The following BTBD2 variants were observed in gnomAD, a reference collection of about 807,000 sequenced individuals.
BTBD2 encodes BTB/POZ domain-containing protein 2.
BTBD2 carries 15 observed loss-of-function variants against 44.0 expected under a neutral mutation model. The ratio of observed to expected loss-of-function variants is 0.34; its 90% CI spans 0.23 to 0.53. The LOEUF is 0.53. Ranked by LOEUF, BTBD2 falls within the 20% of genes least tolerant of loss-of-function variation. The probability of loss-of-function intolerance (pLI) is 0.95; values close to 1 mark genes in which losing one functional copy is unlikely to be tolerated. For synonymous variants in BTBD2, 443 were observed against 335.9 expected (o/e 1.32, Z -3.49); for missense variants, 657 against 746.4 (o/e 0.88, Z 1.39).
chr19:2,007,811 G>T (rs1468228264), intron 1 of BTBD2, among the ~76,000 whole-genome samples: 1 of 151,194 alleles, frequency 6.6e-6, no homozygotes. Context: ...CTGGGCAACA[G>T]AGCGAGACTC....
At chr19:2,009,404 T>C (rs2016435360) in intron 1 of BTBD2, among the ~76,000 whole-genome samples, 1 of 151,744 alleles carries the variant, frequency 6.6e-6, no homozygotes, top group East Asian at 2.0e-4. Context: ...TTCACCATGT[T>C]GTCCAGGCTG....
chr19:2,010,336 G>C (rs184149169), intron 1 of BTBD2, among the ~76,000 whole-genome samples: 5 of 152,148 alleles, frequency 3.3e-5, no homozygotes, highest in African/African-American at 1.2e-4. Flanking sequence ...AGGCTCCAGC[G>C]CGCTGAGATG....
intron 1 of BTBD2, among the ~76,000 whole-genome samples, chr19:2,014,814 G>C (rs576526921): frequency 6.6e-6 from 1 of 151,268 alleles, no homozygotes; most frequent in East Asian, 2.0e-4. Context: ...GGGGTCCCAG[G>C]GGTACAGGGC....
At chr19:2,002,033 G>A (rs984657037) in intron 1 of BTBD2, among the ~76,000 whole-genome samples, 5 of 152,052 alleles carry the variant, frequency 3.3e-5, no homozygotes, top group Non-Finnish European at 5.9e-5. Context: ...GAGCCCCCAC[G>A]CCTGGAAGAG....
At position 1,986,933 on chromosome 19, in the gene BTBD2, G is replaced by A. The variant is rs746606342; in HGVS notation, c.1313C>T (p.Thr438Met). 2.5e-5 allele frequency: 40 copies of A among 1,613,154 alleles called. No homozygotes were observed. Among genetic ancestry groups the A allele is most frequent in the Non-Finnish European group, 3.3e-5 (39 of 1,179,838 alleles). ...GGCTGAGCCGTCGCAGCTGAAGCCC[G>A]TGTCGTTCTGGCCCAAGACGGTGTT... Reference protein sequence around the residue: ...DSNTVLGQNDTGFSCDGSAST... With the variant: ...DSNTVLGQNDMGFSCDGSAST... Residue 438 changes from threonine to methionine, a missense_variant, in exon 8 of 9, where the codon ACG becomes ATG. Physicochemically the swap from Thr to Met is moderately conservative, Grantham distance 81. This residue lies in a region of BTBD2 where 449 missense variants were observed against 510.9 expected (regional missense o/e 0.88). Transcript: ENST00000255608.
intron 1 of BTBD2, among the ~76,000 whole-genome samples, 157 bp downstream of exon 1, chr19:2,015,140 G>A (rs1335583858): frequency 3.0e-4 from 45 of 149,042 alleles, no homozygotes; most frequent in Admixed American, 3.0e-3. Flanking sequence ...GCCTGAGGAT[G>A]CAGGGGTGCA....
intron 1 of BTBD2, among the ~76,000 whole-genome samples, chr19:1,997,730 CCT>C (rs925843762): frequency 6.6e-6 from 1 of 152,078 alleles, no homozygotes; most frequent in East Asian, 1.9e-4. Context: ...CCCTCACCAT[CCT>C]CTCTCTTTCC....
rs1018739346 is a variant in BTBD2 at position 1,993,302 on chromosome 19, C to T, written c.528-126G>A. On this transcript the variant is annotated intron_variant, in intron 2 of 8. Transcript: ENST00000255608. ...CCTTGAGCTGGCAGGACCCAAACAC[C>T]CACATCAGGTTCCCCGAGGAACCTT... 7.5e-6 allele frequency: 10 copies of T among 1,336,332 alleles called. No individual in the cohort carries two copies. In the African/African-American group the frequency reaches 1.5e-4, roughly 20 times the overall value. The allele number at this position is 1,336,332 out of a possible 1,614,324, so 82.8% of individuals were successfully genotyped here.
chr19:1,999,875 T>C (rs955551232), intron 1 of BTBD2, among the ~76,000 whole-genome samples: 20 of 150,726 alleles, frequency 1.3e-4, no homozygotes, highest in Admixed American at 1.1e-3. Flanking sequence ...GGCAGGAGAA[T>C]TGCTTGAACC....
At chr19:2,007,547 C>T (rs1047327113) in intron 1 of BTBD2, among the ~76,000 whole-genome samples, 2 of 152,096 alleles carry the variant, frequency 1.3e-5, no homozygotes, top group Non-Finnish European at 2.9e-5. Flanking sequence ...AAGATCTTCC[C>T]GCCTTAGGCC....
chr19:1,989,666 CCCT>C (rs2016144574), intron 5 of BTBD2: 1 of 354,806 alleles, frequency 2.8e-6, no homozygotes, highest in Admixed American at 4.3e-5. Flanking sequence ...CATGTCAGAG[CCCT>C]CCTGAGCTCG....
At chr19:2,015,190 AG>A in intron 1 of BTBD2, 106 bp downstream of exon 1, 1 of 1,209,474 alleles carries the variant, frequency 8.3e-7, no homozygotes, top group Non-Finnish European at 1.0e-6. Flanking sequence ...TCGGGGATGG[AG>A]GGGTGCGGGG....
chr19:1,996,311 T>C (rs2016250210), intron 2 of BTBD2, among the ~76,000 whole-genome samples: 1 of 152,146 alleles, frequency 6.6e-6, no homozygotes, highest in South Asian at 2.1e-4. Flanking sequence ...ATATGAATTC[T>C]AGGATAGTTT....
chr19:1,993,471 G>T (rs2016208982), intron 2 of BTBD2, among the ~76,000 whole-genome samples: 1 of 152,148 alleles, frequency 6.6e-6, no homozygotes, highest in Non-Finnish European at 1.5e-5. Flanking sequence ...TTCTGCCCGG[G>T]ATGCCCCAGG....
rs148207087 is a variant in BTBD2, at chr19:1,990,092, C to G, written c.900G>C (p.Gln300His). 3 of 1,612,724 alleles carry G rather than the reference C, an allele frequency of 1.9e-6. No individual in the cohort carries two copies. Among genetic ancestry groups the G allele is most frequent in the Non-Finnish European group, 2.5e-6 (3 of 1,179,936 alleles). ...CCTTCCGCCTGTTCTCTGGCGTCACCTGCAGCTGCTGCCGCTGACACTCGG... is the reference window on the plus strand; with the variant it reads ...CCTTCCGCCTGTTCTCTGGCGTCACGTGCAGCTGCTGCCGCTGACACTCGG... The part of the protein sequence containing the change: ...SEAECQRQQL[Q>H]VTPENRRKVL... The change falls in exon 5 of 9, where the codon CAG becomes CAC. Residue 300 changes from glutamine (Q) to histidine (H), a missense_variant. Physicochemically the swap from Gln to His is conservative, Grantham distance 24 (BLOSUM62 0). Around this residue, in one of 3 missense-constraint regions of BTBD2, gnomAD observed 449 missense variants for 510.9 expected, o/e 0.88. Coordinates refer to ENST00000255608, the MANE Select transcript of BTBD2 (RefSeq NM_017797.4).
At chr19:2,008,166 G>A (rs1013822823) in intron 1 of BTBD2, among the ~76,000 whole-genome samples, 1 of 151,906 alleles carries the variant, frequency 6.6e-6, no homozygotes. Flanking sequence ...CACCACGCCT[G>A]GCTAATTTTG....
At chr19:2,013,634 T>C in intron 1 of BTBD2, 3 of 985,400 alleles carry the variant, frequency 3.0e-6, no homozygotes, top group Non-Finnish European at 3.6e-6. Flanking sequence ...GGCCCAGGGG[T>C]CTCTGGCTGA....
At chr19:2,014,766 GA>G (rs1251437257) in intron 1 of BTBD2, 12 of 160,434 alleles carry the variant, frequency 7.5e-5, no homozygotes, top group African/African-American at 2.9e-4. Context: ...GAGGGTACCG[GA>G]GTGCAGGCTG....
chr19:1,992,868 G>A (rs984148277), intron 3 of BTBD2, 152 bp downstream of exon 3: 6 of 779,398 alleles, frequency 7.7e-6, no homozygotes, highest in Admixed American at 4.6e-5. Context: ...AACCACGCCC[G>A]GCCCAAAACA....
Sources: gnomAD v4.1 joint callset for allele counts (sites outside exome capture counted in the v4.1 genomes callset) on GRCh38, gnomAD v4.1.1 for gene constraint, gnomAD v4.1.1 regional missense constraint, MANE v1.5 for transcripts, NCBI Gene and HGNC (gene_info 2026-07-23, HGNC 2026-07-21) for gene names.